The following MINDY4 variants were observed in gnomAD, a reference collection of about 807,000 sequenced individuals.
MINDY4 encodes MINDY lysine 48 deubiquitinase 4.
A neutral mutation model predicts 87.0 loss-of-function variants in MINDY4; 68 were observed. That is an observed-to-expected ratio of 0.78 (90% CI 0.64 to 0.96). The LOEUF is 0.96. Among genes scored for constraint, MINDY4 ranks in the 40% least tolerant of loss-of-function variants. MINDY4 has a pLI of 0.00. For synonymous variants in MINDY4, 379 were observed against 363.2 expected (o/e 1.04, Z -0.50); for missense variants, 919 against 928.2 (o/e 0.99, Z 0.13).
chr7:30,774,578 C>T (rs1285758441), intron 1 of MINDY4, among the ~76,000 whole-genome samples: 2 of 152,118 alleles, frequency 1.3e-5, no homozygotes, highest in Non-Finnish European at 2.9e-5. Flanking sequence ...TCTCTGCTTT[C>T]TCGAACCCAT....
intron 5 of MINDY4, among the ~76,000 whole-genome samples, chr7:30,811,833 G>T (rs1290673969): frequency 1.3e-5 from 2 of 152,142 alleles, no homozygotes; most frequent in African/African-American, 4.8e-5. Context: ...CTCCCTTAGA[G>T]TTGTGAGCCC....
chr7:30,886,881 A>G (rs66519137), intron 17 of MINDY4, among the ~76,000 whole-genome samples: 22,282 of 152,044 alleles, frequency 0.15, 2,216 homozygotes, highest in South Asian at 0.29. Context: ...CAGCAAAAAA[A>G]CAGGCTAATT....
chr7:30,777,916 A>G (rs1786877249), intron 1 of MINDY4, among the ~76,000 whole-genome samples: 1 of 152,156 alleles, frequency 6.6e-6, no homozygotes, highest in Non-Finnish European at 1.5e-5. Flanking sequence ...TCAGGGTGGG[A>G]TGATGGAAAG....
intron 5 of MINDY4, among the ~76,000 whole-genome samples, chr7:30,807,995 T>C: frequency 6.6e-6 from 1 of 152,204 alleles, no homozygotes; most frequent in Non-Finnish European, 1.5e-5. Flanking sequence ...TCCTGCTACA[T>C]TTCTTGGTTC....
intron 1 of MINDY4, among the ~76,000 whole-genome samples, chr7:30,773,963 C>T (rs1358450529): frequency 6.6e-6 from 1 of 152,214 alleles, no homozygotes; most frequent in South Asian, 2.1e-4. Context: ...TCATCATTCT[C>T]TTCTGACAGT....
At chr7:30,817,196 C>T (rs1362385468) in intron 5 of MINDY4, among the ~76,000 whole-genome samples, 2 of 152,068 alleles carry the variant, frequency 1.3e-5, no homozygotes, top group East Asian at 1.9e-4. Flanking sequence ...GTCTGTAACA[C>T]CAAAGGTCAT....
intron 6 of MINDY4, among the ~76,000 whole-genome samples, chr7:30,832,709 C>T (rs1227775176): frequency 6.6e-6 from 1 of 152,158 alleles, no homozygotes; most frequent in African/African-American, 2.4e-5. Context: ...GGGGTTTCGC[C>T]ATGTTGGCCA....
intron 13 of MINDY4, among the ~76,000 whole-genome samples, chr7:30,864,547 T>G (rs578055178): frequency 1.3e-5 from 2 of 152,368 alleles, no homozygotes; most frequent in East Asian, 1.9e-4. Context: ...CCAGCTGCAT[T>G]CTCAGGAAGG....
At chr7:30,870,099 C>T (rs2128577825) in intron 13 of MINDY4, among the ~76,000 whole-genome samples, 1 of 152,334 alleles carries the variant, frequency 6.6e-6, no homozygotes, top group East Asian at 1.9e-4. Context: ...CTTTTAAGAT[C>T]TCAGTGCACT....
At chr7:30,817,022 A>G (rs374713305) in intron 5 of MINDY4, among the ~76,000 whole-genome samples, 3 of 152,334 alleles carry the variant, frequency 2.0e-5, no homozygotes, top group East Asian at 3.9e-4. Context: ...CCAACCCTTC[A>G]TGAGACCTCA....
At chr7:30,780,399 G>A (rs548056321) in intron 2 of MINDY4, 14 of 152,250 alleles carry the variant, frequency 9.2e-5, no homozygotes, top group African/African-American at 3.4e-4. Context: ...TGACATTCAA[G>A]CTATTTTTAT....
rs563645838 is a variant in MINDY4, at chr7:30,806,222, G to A, written c.1073+14648G>A. On this transcript the variant is annotated intron_variant, in intron 5 of 17. Transcript: ENST00000265299. Reference sequence around the variant, plus strand: ...ATTCTGAGACTTTGAAACTTGGCTCGCCATCTTTCACATATTTAGTAACTT... The same window carrying A: ...ATTCTGAGACTTTGAAACTTGGCTCACCATCTTTCACATATTTAGTAACTT... Among the ~76,000 whole-genome samples, 8 of 152,220 alleles carry A rather than the reference G, an allele frequency of 5.3e-5. No individual in the cohort carries two copies. In the South Asian group the frequency reaches 1.2e-3, roughly 24 times the overall value.
In MINDY4 at chr7:30,773,139, C is replaced by G. The variant is rs561749321; in HGVS notation, c.63+1583C>G. 3.3e-3 allele frequency among the ~76,000 whole-genome samples: 497 copies of G among 152,348 alleles called. 3 individuals carry two copies. Among genetic ancestry groups the G allele is most frequent in the African/African-American group, 0.011 (475 of 41,588 alleles). The stretch of plus-strand genomic sequence containing the variant: ...GACTGCAGCCCAGGTATACTGCTTT[C>G]TCATCGCCTTCTGCTCTAGGGCAGA... On this transcript the variant is annotated intron_variant, in intron 1 of 17. Transcript: ENST00000265299.
At chr7:30,880,815 G>T (rs1373583132) in intron 15 of MINDY4, among the ~76,000 whole-genome samples, 1 of 152,120 alleles carries the variant, frequency 6.6e-6, no homozygotes, top group African/African-American at 2.4e-5. Flanking sequence ...GGGGACACTT[G>T]AACCGTAAGA....
At chr7:30,816,004 A>T (rs957236417) in intron 5 of MINDY4, among the ~76,000 whole-genome samples, 3 of 152,028 alleles carry the variant, frequency 2.0e-5, no homozygotes, top group African/African-American at 7.3e-5. Flanking sequence ...CTGCCTACTT[A>T]CCAGGGGCCT....
At chr7:30,890,328 C>T (rs1407895628) in intron 17 of MINDY4, among the ~76,000 whole-genome samples, 2 of 152,230 alleles carry the variant, frequency 1.3e-5, no homozygotes, top group Non-Finnish European at 2.9e-5. Flanking sequence ...CTAGGATGAA[C>T]GTGACATCCT....
At chr7:30,844,046 G>A (rs1159282429) in intron 9 of MINDY4, among the ~76,000 whole-genome samples, 2 of 152,142 alleles carry the variant, frequency 1.3e-5, no homozygotes, top group South Asian at 2.1e-4. Flanking sequence ...GAGTGACCTC[G>A]CTTTTGTTTG....
At chr7:30,823,120 A>G (rs1788392287) in intron 5 of MINDY4, among the ~76,000 whole-genome samples, 1 of 152,090 alleles carries the variant, frequency 6.6e-6, no homozygotes, top group Admixed American at 6.6e-5. Flanking sequence ...TCACATCAGG[A>G]CCACATTAAT....
In MINDY4 at chr7:30,845,709, C is replaced by T. The variant is rs6977517; in HGVS notation, c.1446-4745C>T. ...GGAGGCCCCCACCTCAGATGTTGCC[C>T]ACCACATCTGGTGGGGAAATGGTTC... On this transcript the variant is annotated intron_variant, in intron 9 of 17. Transcript: ENST00000265299. Among the ~76,000 whole-genome samples, 984 of 152,206 alleles carry T rather than the reference C, an allele frequency of 6.5e-3. 11 individuals are homozygous for T. The highest frequency in any genetic ancestry group is 0.022 in the African/African-American group (931 of 41,544).
Sources: allele counts gnomAD v4.1 joint callset (sites outside exome capture counted in the v4.1 genomes callset), GRCh38; gene constraint gnomAD v4.1.1; transcripts MANE v1.5; gene names NCBI Gene and HGNC (gene_info 2026-07-23, HGNC 2026-07-21).